The following TXLNB variants were observed in gnomAD, a reference collection of about 807,000 sequenced individuals.
TXLNB encodes beta-taxilin.
In TXLNB, 37 loss-of-function variants were observed where a neutral mutation model predicts 57.4. The ratio of observed to expected loss-of-function variants is 0.64; its 90% CI spans 0.50 to 0.85. TXLNB has a LOEUF of 0.85. Ranked by LOEUF, TXLNB falls within the 40% of genes least tolerant of loss-of-function variation. TXLNB has a pLI of 0.00. For synonymous variants in TXLNB, 302 were observed against 309.6 expected (o/e 0.98, Z 0.26); for missense variants, 848 against 825.6 (o/e 1.03, Z -0.33).
chr6:139,255,387 T>C (rs1376285456), intron 7 of TXLNB, 177 bp downstream of exon 7: 7 of 678,752 alleles, frequency 1.0e-5, no homozygotes, highest in African/African-American at 9.0e-5. Context: ...AGATATAATA[T>C]TGTGCTTTTA....
chr6:139,213,766 A>C, the TXLNB span, among the ~76,000 whole-genome samples: 1 of 152,228 alleles, frequency 6.6e-6, no homozygotes, highest in African/African-American at 2.4e-5. Context: ...GAAGAATCAA[A>C]TAAACGCAAT....
At chr6:139,183,303 A>C in the TXLNB span, 1 of 152,198 alleles carries the variant, frequency 6.6e-6, no homozygotes, top group Non-Finnish European at 1.5e-5. Context: ...AGAGGTAGAG[A>C]ATTCATGAAC....
chr6:139,180,204 G>T, the TXLNB span: 129,704 of 152,216 alleles, frequency 0.85, 56,153 homozygotes, highest in African/African-American at 0.96. Context: ...TGAGTAAAAG[G>T]TATTTTCATA....
the TXLNB span, chr6:139,170,324 TC>T: frequency 1.3e-5 from 2 of 152,240 alleles, no homozygotes; most frequent in African/African-American, 4.8e-5. Context: ...TTGCTTGTCA[TC>T]AATTTATAAT....
At chr6:139,288,385 T>C (rs748575181) in intron 2 of TXLNB, 91 bp downstream of exon 2, 16 of 1,237,514 alleles carry the variant, frequency 1.3e-5, no homozygotes, top group Admixed American at 4.1e-5. Flanking sequence ...CATCCAAATA[T>C]TGGATGTGGC....
chr6:139,161,006 C>T, the TXLNB span, among the ~76,000 whole-genome samples: 1 of 152,084 alleles, frequency 6.6e-6, no homozygotes, highest in Non-Finnish European at 1.5e-5. Context: ...TTCTGTTATT[C>T]CCTGCTGCTT....
chr6:139,163,782 T>A, the TXLNB span, among the ~76,000 whole-genome samples: 3 of 152,186 alleles, frequency 2.0e-5, no homozygotes, highest in Non-Finnish European at 4.4e-5. Context: ...AGGATTCTTT[T>A]CCTGGCCTCT....
the TXLNB span, among the ~76,000 whole-genome samples, chr6:139,316,332 G>C: frequency 6.6e-6 from 1 of 151,816 alleles, no homozygotes. Context: ...TTTGATATAT[G>C]ATCAGGTTTC....
chr6:139,225,337 C>G, the TXLNB span, among the ~76,000 whole-genome samples: 1 of 151,572 alleles, frequency 6.6e-6, no homozygotes, highest in South Asian at 2.1e-4. Context: ...TACAATAATG[C>G]AAGAAAAATT....
At chr6:139,315,755 A>G in the TXLNB span, among the ~76,000 whole-genome samples, 1 of 152,224 alleles carries the variant, frequency 6.6e-6, no homozygotes, top group Non-Finnish European at 1.5e-5. Flanking sequence ...CAAATGATAG[A>G]AGAAAAATAA....
chr6:139,203,962 A>C, the TXLNB span, among the ~76,000 whole-genome samples: 1 of 152,220 alleles, frequency 6.6e-6, no homozygotes, highest in Non-Finnish European at 1.5e-5. Flanking sequence ...CTTGGTTTAG[A>C]GCAAACTGTG....
chr6:139,216,368 G>A, the TXLNB span, among the ~76,000 whole-genome samples: 18 of 150,134 alleles, frequency 1.2e-4, no homozygotes, highest in South Asian at 3.2e-3. Flanking sequence ...GCAAACTATC[G>A]CAAGGACAAA....
intron 7 of TXLNB, among the ~76,000 whole-genome samples, chr6:139,252,244 T>C (rs141815639): frequency 6.6e-6 from 1 of 152,338 alleles, no homozygotes; most frequent in African/African-American, 2.4e-5. Context: ...ACCTTAGAAA[T>C]GGGGCCTTGG....
the TXLNB span, among the ~76,000 whole-genome samples, chr6:139,175,639 CCTT>C: frequency 6.6e-6 from 1 of 152,172 alleles, no homozygotes; most frequent in South Asian, 2.1e-4. Context: ...AGACCGACCT[CCTT>C]ATTTCCTCAT....
At chr6:139,213,500 C>T in the TXLNB span, among the ~76,000 whole-genome samples, 1 of 152,134 alleles carries the variant, frequency 6.6e-6, no homozygotes, top group Non-Finnish European at 1.5e-5. Flanking sequence ...AAATTTATAG[C>T]ACTAAATGCC....
chr6:139,173,569 A>G, the TXLNB span, among the ~76,000 whole-genome samples: 2 of 152,160 alleles, frequency 1.3e-5, no homozygotes. Context: ...TCCTGATGGT[A>G]GTTTTTAACA....
At chr6:139,266,590 C>G (rs116706407) in intron 4 of TXLNB, among the ~76,000 whole-genome samples, 1 of 151,944 alleles carries the variant, frequency 6.6e-6, no homozygotes, top group Non-Finnish European at 1.5e-5. Flanking sequence ...AAGACTGACT[C>G]GAAGACCTGT....
At chr6:139,288,411 G>A in intron 2 of TXLNB, 65 bp downstream of exon 2, 1 of 1,461,726 alleles carries the variant, frequency 6.8e-7, no homozygotes, top group Non-Finnish European at 9.4e-7. Context: ...GTGAAGTTTG[G>A]AAGAAGTGCC....
At chr6:139,200,984 A>AT in the TXLNB span, among the ~76,000 whole-genome samples, 2 of 151,550 alleles carry the variant, frequency 1.3e-5, no homozygotes, top group Admixed American at 1.3e-4. Context: ...TCTTTTAATC[A>AT]TTTTTCCTCC....
Sources: gnomAD v4.1 joint callset for allele counts (sites outside exome capture counted in the v4.1 genomes callset) on GRCh38, gnomAD v4.1.1 for gene constraint, MANE v1.5 for transcripts, NCBI Gene and HGNC (gene_info 2026-07-23, HGNC 2026-07-21) for gene names.